Variants in CHN1 observed in about 807,000 individuals in gnomAD.
CHN1 encodes chimerin 1, also known as N-chimaerin.
Under a neutral mutation model 59.5 loss-of-function variants are expected in CHN1, and 37 were observed. The ratio of observed to expected loss-of-function variants is 0.62; its 90% CI spans 0.48 to 0.82. CHN1 has a LOEUF of 0.82. Among genes scored for constraint, CHN1 ranks in the 40% least tolerant of loss-of-function variants. The pLI is 0.00. For synonymous variants in CHN1, 206 were observed against 200.4 expected, an observed-to-expected ratio of 1.03 and a Z score of -0.24; for missense variants, 469 against 571.0, an observed-to-expected ratio of 0.82 and a Z score of 1.82.
intron 1 of CHN1, among the ~76,000 whole-genome samples, chr2:174,984,437 T>C (rs1227830401): frequency 1.3e-5 from 2 of 150,202 alleles, no homozygotes; most frequent in Non-Finnish European, 3.0e-5. Context: ...GGCGCGATCC[T>C]GGCTCATTGC....
chr2:174,932,408 T>C (rs923739717), intron 3 of CHN1, among the ~76,000 whole-genome samples: 2 of 152,266 alleles, frequency 1.3e-5, no homozygotes, highest in African/African-American at 4.8e-5. Flanking sequence ...TAACGTCTGT[T>C]CCCCTAGAGA....
At chr2:174,840,573 C>T (rs1686265167) in intron 7 of CHN1, among the ~76,000 whole-genome samples, 2 of 152,138 alleles carry the variant, frequency 1.3e-5, no homozygotes, top group Admixed American at 6.5e-5. Context: ...TTACATATTA[C>T]TGTGTCTCCT....
At position 174,938,518 on chromosome 2, in the gene CHN1, T is replaced by C. The variant is rs1193627; in HGVS notation, c.114+6370A>G. 4.5e-3 allele frequency among the ~76,000 whole-genome samples: 685 copies of C among 152,314 alleles called. 5 individuals carry two copies. The highest frequency in any genetic ancestry group is 0.015 in the African/African-American group (623 of 41,570). On this transcript the variant is annotated intron_variant, in intron 3 of 12. Coordinates refer to ENST00000409900, the MANE Select transcript of CHN1 (RefSeq NM_001822.7). ...CATTTCTTTAAAGGAAGACCACTTA[T>C]GCCTGTTTAGTAACTGTCATTTAGT...
chr2:174,809,771 T>C (rs754982419), intron 10 of CHN1, among the ~76,000 whole-genome samples: 3 of 152,244 alleles, frequency 2.0e-5, no homozygotes, highest in Non-Finnish European at 4.4e-5. Flanking sequence ...TGTTTCCTGA[T>C]TGTTTCTTTA....
At chr2:174,919,118 T>C (rs1239366956) in intron 3 of CHN1, among the ~76,000 whole-genome samples, 1 of 152,182 alleles carries the variant, frequency 6.6e-6, no homozygotes, top group African/African-American at 2.4e-5. Context: ...GCATTCAAAA[T>C]ACACTCACTG....
intron 3 of CHN1, among the ~76,000 whole-genome samples, chr2:174,943,022 C>G (rs1689713094): frequency 6.6e-6 from 1 of 151,226 alleles, no homozygotes; most frequent in Non-Finnish European, 1.5e-5. Flanking sequence ...TGGACTCTAG[C>G]CTGGGAGATA....
At chr2:174,853,527 A>G (rs979035235) in intron 6 of CHN1, among the ~76,000 whole-genome samples, 6 of 152,190 alleles carry the variant, frequency 3.9e-5, no homozygotes, top group Non-Finnish European at 8.8e-5. Flanking sequence ...CCACTGTGGA[A>G]AGCAGTTTGG....
chr2:174,967,494 G>A (rs1467105724), intron 1 of CHN1, among the ~76,000 whole-genome samples: 3 of 152,074 alleles, frequency 2.0e-5, no homozygotes, highest in African/African-American at 7.2e-5. Flanking sequence ...CAATGTTCGT[G>A]TTCCAATGTT....
chr2:174,818,441 T>C (rs1685357367), intron 8 of CHN1, among the ~76,000 whole-genome samples: 1 of 152,186 alleles, frequency 6.6e-6, no homozygotes, highest in African/African-American at 2.4e-5. Context: ...ATATCAATAT[T>C]TCAGTTTGCT....
At chr2:174,955,222 TATAG>T (rs1690168082) in intron 1 of CHN1, among the ~76,000 whole-genome samples, 3 of 133,790 alleles carry the variant, frequency 2.2e-5, no homozygotes, top group African/African-American at 8.6e-5. Flanking sequence ...TATATATCTA[TATAG>T]ATATAGATAT....
chr2:174,944,114 G>A (rs1689755357), intron 3 of CHN1, among the ~76,000 whole-genome samples: 2 of 152,248 alleles, frequency 1.3e-5, no homozygotes, highest in South Asian at 4.1e-4. Context: ...CCTCTGGACA[G>A]ACATTTAGGT....
intron 1 of CHN1, among the ~76,000 whole-genome samples, chr2:174,969,078 A>G (rs555863802): frequency 6.6e-6 from 1 of 152,316 alleles, no homozygotes; most frequent in Admixed American, 6.5e-5. Flanking sequence ...CTACCTTTCT[A>G]AAGTCTGAAA....
intron 5 of CHN1, among the ~76,000 whole-genome samples, chr2:174,881,464 T>G (rs61602669): frequency 6.6e-6 from 1 of 152,060 alleles, no homozygotes; most frequent in South Asian, 2.1e-4. Flanking sequence ...ATCTAAAAAA[T>G]AGGAATAACA....
intron 7 of CHN1, among the ~76,000 whole-genome samples, chr2:174,846,097 C>T (rs1686501999): frequency 6.6e-6 from 1 of 152,152 alleles, no homozygotes; most frequent in South Asian, 2.1e-4. Context: ...GTGCATCTAC[C>T]TATTAAATGT....
chr2:174,799,286 A>G lies in CHN1; in HGVS notation c.*830T>C, dbSNP rs1434480038. On this transcript the variant is annotated 3_prime_UTR_variant, in exon 13 of 13. Coordinates refer to ENST00000409900, the MANE Select transcript of CHN1 (RefSeq NM_001822.7). ...TTTTAAATGATTATTTTAGAAGCTT[A>G]TCACTTTTAACAGTAAACAAAAGAG... 1 of 318,298 alleles carries G rather than the reference A, an allele frequency of 3.1e-6. No homozygotes were observed. Among genetic ancestry groups the G allele is most frequent in the Non-Finnish European group, 6.1e-6 (1 of 164,902 alleles). The allele number at this position is 318,298 out of a possible 1,614,324, so 19.7% of individuals were successfully genotyped here. A position where few individuals can be genotyped will look rare whatever the true frequency, so the allele number is the denominator to read the frequency against.
chr2:174,990,848 A>G (rs1412398713), intron 1 of CHN1, among the ~76,000 whole-genome samples: 1 of 152,164 alleles, frequency 6.6e-6, no homozygotes, highest in African/African-American at 2.4e-5. Context: ...TGACATCTTT[A>G]TAACATCCAA....
At chr2:174,948,015 A>G (rs1276446684) in intron 2 of CHN1, among the ~76,000 whole-genome samples, 1 of 152,214 alleles carries the variant, frequency 6.6e-6, no homozygotes, top group Non-Finnish European at 1.5e-5. Flanking sequence ...ATATGATTAA[A>G]GTACTTAATA....
At chr2:174,842,388 G>A (rs561156324) in intron 7 of CHN1, among the ~76,000 whole-genome samples, 1 of 152,130 alleles carries the variant, frequency 6.6e-6, no homozygotes, top group South Asian at 2.1e-4. Context: ...TCAACGTATT[G>A]AAAATTTGTC....
At chr2:174,847,717 ACT>A (rs1255245354) in intron 6 of CHN1, 1 of 1,102,474 alleles carries the variant, frequency 9.1e-7, no homozygotes, top group Admixed American at 2.6e-5. Flanking sequence ...TCCTAAACTC[ACT>A]CTGTCTCTGT....
Sources: gnomAD v4.1 joint callset for allele counts (sites outside exome capture counted in the v4.1 genomes callset) on GRCh38, gnomAD v4.1.1 for gene constraint, MANE v1.5 for transcripts, NCBI Gene and HGNC (gene_info 2026-07-23, HGNC 2026-07-21) for gene names.